The following PDIA3 variants were observed in gnomAD, a reference collection of about 807,000 sequenced individuals.
The protein encoded by PDIA3 is protein disulfide-isomerase A3.
Under a neutral mutation model 56.9 loss-of-function variants are expected in PDIA3, and 16 were observed. The ratio of observed to expected loss-of-function variants is 0.28; its 90% CI spans 0.19 to 0.43. The LOEUF is 0.43. PDIA3 is among the 20% of genes least tolerant of loss of function. PDIA3 has a pLI of 1.00. For synonymous variants in PDIA3, 192 were observed against 216.5 expected, an observed-to-expected ratio of 0.89 and a Z score of 0.99; for missense variants, 485 against 621.3, an observed-to-expected ratio of 0.78 and a Z score of 2.33.
At chr15:43,758,755 C>G (rs935215915) in intron 3 of PDIA3, among the ~76,000 whole-genome samples, 1 of 152,004 alleles carries the variant, frequency 6.6e-6, no homozygotes, top group Non-Finnish European at 1.5e-5. Context: ...GTAGGCTGAT[C>G]ACTTGAGGTC....
At position 43,760,047 on chromosome 15, in the gene PDIA3, A is replaced by G. The variant is rs180860075; in HGVS notation, c.365-1377A>G. On this transcript the variant is annotated intron_variant, in intron 3 of 12. Transcript: ENST00000300289. ...GATGTTGCAGTGAGCCAATGTTGCA[A>G]TCGCGCCATTGCACTCCAGCCTGGG... 3.3e-5 allele frequency among the ~76,000 whole-genome samples: 5 copies of G among 152,204 alleles called. No individual in the cohort carries two copies. The East Asian group carries it at 5.8e-4, about 18-fold the overall frequency.
At chr15:43,758,213 G>C (rs1268978371) in intron 3 of PDIA3, among the ~76,000 whole-genome samples, 1 of 152,028 alleles carries the variant, frequency 6.6e-6, no homozygotes, top group Non-Finnish European at 1.5e-5. Flanking sequence ...CTCCAGCCTG[G>C]GCAACAAGAA....
chr15:43,751,327 A>G (rs1306745767), intron 1 of PDIA3, among the ~76,000 whole-genome samples: 5 of 152,032 alleles, frequency 3.3e-5, no homozygotes, highest in African/African-American at 4.8e-5. Context: ...CTATAAGGAA[A>G]GGACTATACC....
intron 3 of PDIA3, among the ~76,000 whole-genome samples, chr15:43,759,745 A>G (rs2086802402): frequency 6.6e-6 from 1 of 152,164 alleles, no homozygotes; most frequent in South Asian, 2.1e-4. Flanking sequence ...ATATGATTCC[A>G]CTTACATGAG....
intron 5 of PDIA3, among the ~76,000 whole-genome samples, chr15:43,764,904 G>A (rs769218910): frequency 3.4e-4 from 51 of 152,132 alleles, no homozygotes; most frequent in South Asian, 2.1e-4. Context: ...TTAGAACCAC[G>A]TTCTCTTAAT....
At chr15:43,771,065 T>C (rs776996551) in intron 12 of PDIA3, 40 bp from the exon 13 acceptor site, 13 of 1,412,484 alleles carry the variant, frequency 9.2e-6, no homozygotes, top group African/African-American at 1.4e-5. Flanking sequence ...TCAGGGTTCT[T>C]TAAAAAGTTA....
In PDIA3 at chr15:43,771,171, CAAG is replaced by C. The variant is rs2086879762; in HGVS notation, c.1477_1479del (p.Glu493del). ...AGAAGCTACAAACCCCCCTGTAATTCAAGAAGAAAAACCCAAGAAGAAGAAGAA... is the reference window on the plus strand; with the variant it reads ...AGAAGCTACAAACCCCCCTGTAATTCAAGAAAAACCCAAGAAGAAGAAGAA... On this transcript the variant is annotated inframe_deletion, in exon 13 of 13. Transcript: ENST00000300289. 1.2e-6 allele frequency: 2 copies of C among 1,612,490 alleles called. No individual in the cohort carries two copies. The highest frequency in any genetic ancestry group is 1.7e-6 in the Non-Finnish European group (2 of 1,179,794).
chr15:43,758,576 T>C (rs995949100), intron 3 of PDIA3, among the ~76,000 whole-genome samples: 2 of 150,774 alleles, frequency 1.3e-5, no homozygotes, highest in Non-Finnish European at 3.0e-5. Context: ...GAGGATCACT[T>C]GAGCCCGGGA....
chr15:43,759,067 G>T (rs1472695805), intron 3 of PDIA3, among the ~76,000 whole-genome samples: 1 of 152,082 alleles, frequency 6.6e-6, no homozygotes, highest in East Asian at 1.9e-4. Flanking sequence ...GAGGCAGGCG[G>T]ATCACAAGGT....
At chr15:43,760,497 G>A (rs1000264429) in intron 3 of PDIA3, among the ~76,000 whole-genome samples, 3 of 151,014 alleles carry the variant, frequency 2.0e-5, no homozygotes, top group Admixed American at 2.0e-4. Flanking sequence ...GAAACACTAT[G>A]CATTGTAAAC....
At position 43,771,132 on chromosome 15, in the gene PDIA3, A is replaced by C; in HGVS notation, c.1432A>C (p.Ser478Arg). 6.2e-7 allele frequency: 1 copy of C among 1,612,754 alleles called. No homozygotes were observed. The highest frequency in any genetic ancestry group is 8.5e-7 in the Non-Finnish European group (1 of 1,179,316). ...EGGRELSDFI[S>R]YLQREATNPP... ...TGGCCGTGAATTAAGTGATTTTATTAGCTATCTACAAAGAGAAGCTACAAA... is the reference window on the plus strand; with the variant it reads ...TGGCCGTGAATTAAGTGATTTTATTCGCTATCTACAAAGAGAAGCTACAAA... The change falls in exon 13 of 13, where the codon AGC becomes CGC. Residue 478 changes from serine (S) to arginine (R), a missense_variant. Transcript: ENST00000300289.
intron 3 of PDIA3, 118 bp downstream of exon 3, chr15:43,756,884 A>G: frequency 1.7e-6 from 1 of 601,296 alleles, no homozygotes; most frequent in Non-Finnish European, 3.0e-6. Flanking sequence ...TTCCTCATCT[A>G]AGAGGTCAGT....
chr15:43,770,630 C>A, intron 12 of PDIA3, 50 bp downstream of exon 12: 1 of 1,155,318 alleles, frequency 8.7e-7, no homozygotes, highest in Non-Finnish European at 1.3e-6. Flanking sequence ...GACGTAAACA[C>A]ACAACCTTAA....
In PDIA3 at chr15:43,773,142, A is replaced by G. The variant is rs1226089864; in HGVS notation, c.*1924A>G. ...CAGCTGCCCCTGTTCTTTTCCTCAA[A>G]CTCCAGGATGAGACCTTTAATGTGG... On this transcript the variant is annotated 3_prime_UTR_variant, in exon 13 of 13. Coordinates refer to ENST00000300289, the MANE Select transcript of PDIA3 (RefSeq NM_005313.5). 7 of 1,609,946 alleles carry G rather than the reference A, an allele frequency of 4.3e-6. No individual in the cohort carries two copies. Among genetic ancestry groups the G allele is most frequent in the Non-Finnish European group, 5.9e-6 (7 of 1,178,954 alleles).
intron 3 of PDIA3, among the ~76,000 whole-genome samples, chr15:43,757,349 G>A (rs959224465): frequency 3.9e-5 from 6 of 151,982 alleles, no homozygotes; most frequent in Non-Finnish European, 8.8e-5. Context: ...ACGAGGTCAG[G>A]AGATCGAGAC....
At chr15:43,759,837 G>A (rs1027072793) in intron 3 of PDIA3, among the ~76,000 whole-genome samples, 4 of 152,166 alleles carry the variant, frequency 2.6e-5, no homozygotes, top group African/African-American at 9.7e-5. Flanking sequence ...TGTAATCCCA[G>A]CACTTTGGGA....
intron 4 of PDIA3, 119 bp downstream of exon 4, chr15:43,761,650 C>T (rs1422427678): frequency 1.7e-5 from 10 of 592,044 alleles, no homozygotes; most frequent in Non-Finnish European, 3.1e-5. Context: ...GTTGAGAAGG[C>T]AACTGACAGA....
Position 43,765,902 on chromosome 15 carries a change from T to G in PDIA3, c.735T>G (p.Pro245=). The G allele has an allele frequency of 6.2e-7, 1 of 1,611,826 alleles. No homozygotes were observed. Among genetic ancestry groups the G allele is most frequent in the South Asian group, 1.1e-5 (1 of 90,470 alleles). Residue 245 remains proline, a synonymous_variant, in exon 7 of 13, where the codon CCT becomes CCG. Transcript: ENST00000300289. ...TTCATTTCAGTTTTGGTATCTGCCC[T>G]CACATGACAGAAGACAATAAAGATT... The part of the protein sequence containing the change: ...FIQENIFGIC[P]HMTEDNKDLI...
In PDIA3 at chr15:43,759,013, A is replaced by G. The variant is rs1415374259; in HGVS notation, c.364+2247A>G. Among the ~76,000 whole-genome samples, 6 of 151,942 alleles carry G rather than the reference A, an allele frequency of 3.9e-5. No homozygotes were observed. The East Asian group carries it at 1.2e-3, about 30-fold the overall frequency. On this transcript the variant is annotated intron_variant, in intron 3 of 12. Coordinates refer to ENST00000300289, the MANE Select transcript of PDIA3 (RefSeq NM_005313.5). ...AAAATGAAAATAAAATTACTAGGCC[A>G]GGCGTGGTGGCTCACGTCTGTAATC...
Sources: gnomAD v4.1 joint callset for allele counts (sites outside exome capture counted in the v4.1 genomes callset) on GRCh38, gnomAD v4.1.1 for gene constraint, MANE v1.5 for transcripts, NCBI Gene and HGNC (gene_info 2026-07-23, HGNC 2026-07-21) for gene names.